CTXND2: variants seen among roughly 807,000 people sequenced by gnomAD.
The protein encoded by CTXND2 is cortexin domain containing 2.
At chr1:150,890,837 T>C (rs1426651996) in intron 1 of CTXND2, among the ~76,000 whole-genome samples, 1 of 152,132 alleles carries the variant, frequency 6.6e-6, no homozygotes, top group East Asian at 1.9e-4. Flanking sequence ...CTTTCATGCA[T>C]TGTGAGTTCT....
rs1668787484 is a variant in CTXND2 at position 150,887,318 on chromosome 1, G to A, written c.-74+5G>A. ...TTGGATATCCGCTCTCAGAAGGTAGGTAACTACCCACATTGCCTTCCTGGT... is the reference window on the plus strand; with the variant it reads ...TTGGATATCCGCTCTCAGAAGGTAGATAACTACCCACATTGCCTTCCTGGT... On this transcript the variant is annotated splice_donor_5th_base_variant and intron_variant, in intron 1 of 1. Transcript: ENST00000636087. 6.6e-6 allele frequency: 1 copy of A among 152,160 alleles called. No individual in the cohort carries two copies. Among genetic ancestry groups the A allele is most frequent in the African/African-American group, 2.4e-5 (1 of 41,438 alleles). The allele number at this position is 152,160 out of a possible 1,614,324, so 9.4% of individuals were successfully genotyped here.
At chr1:150,904,728 A>G (rs587665385) in intron 1 of CTXND2, among the ~76,000 whole-genome samples, 7 of 152,318 alleles carry the variant, frequency 4.6e-5, no homozygotes, top group Non-Finnish European at 8.8e-5. Flanking sequence ...CCCTGTATTT[A>G]AAATGGTTCC....
chr1:150,891,362 C>T (rs1235966153), intron 1 of CTXND2, among the ~76,000 whole-genome samples: 1 of 152,036 alleles, frequency 6.6e-6, no homozygotes. Context: ...TACAGGCACC[C>T]GCCACCATGC....
chr1:150,909,627 T>C (rs1357533038), intron 1 of CTXND2, among the ~76,000 whole-genome samples: 1 of 152,192 alleles, frequency 6.6e-6, no homozygotes, highest in Non-Finnish European at 1.5e-5. Flanking sequence ...TTTGCTGTCA[T>C]ATCTAAGAAT....
chr1:150,906,404 A>G (rs991948020), intron 1 of CTXND2, among the ~76,000 whole-genome samples: 1 of 152,170 alleles, frequency 6.6e-6, no homozygotes. Context: ...AAGCAAAGAT[A>G]AAAGTACTTC....
chr1:150,901,285 C>T (rs1669025099), intron 1 of CTXND2, among the ~76,000 whole-genome samples: 1 of 152,186 alleles, frequency 6.6e-6, no homozygotes, highest in Non-Finnish European at 1.5e-5. Context: ...GTTCACGGAT[C>T]AGAAGACTTA....
At chr1:150,904,700 G>C (rs1173531620) in intron 1 of CTXND2, among the ~76,000 whole-genome samples, 1 of 152,146 alleles carries the variant, frequency 6.6e-6, no homozygotes, top group Non-Finnish European at 1.5e-5. Context: ...CCTTAACTAT[G>C]CCAATCTAAT....
intron 1 of CTXND2, among the ~76,000 whole-genome samples, chr1:150,905,950 A>G (rs2102602420): frequency 6.6e-6 from 1 of 151,602 alleles, no homozygotes; most frequent in Non-Finnish European, 1.5e-5. Context: ...AGATCACACC[A>G]CTGCACTCCA....
exon 2 of CTXND2, chr1:150,912,604 AAC>A: frequency 7.6e-6 from 3 of 396,998 alleles, no homozygotes; most frequent in Non-Finnish European, 4.4e-6. Flanking sequence ...AGTGAGATGA[AAC>A]ACAAGCCAGT....
chr1:150,898,921 CA>C (rs750129735), intron 1 of CTXND2, among the ~76,000 whole-genome samples: 6 of 126,124 alleles, frequency 4.8e-5, no homozygotes, highest in South Asian at 2.8e-4. Flanking sequence ...ACTAAAAATA[CA>C]AAAAAAAAAA....
rs963689781 is a variant in CTXND2, at chr1:150,894,304, C to T, written c.-74+6991C>T. On this transcript the variant is annotated intron_variant, in intron 1 of 1. Transcript: ENST00000636087. ...AGTTACACATGACCGAAAAGCCCAACTCAAATGGGATTAAAGACTACAATG... is the reference window on the plus strand; with the variant it reads ...AGTTACACATGACCGAAAAGCCCAATTCAAATGGGATTAAAGACTACAATG... Among the ~76,000 whole-genome samples, 6 of 152,206 alleles carry T rather than the reference C, an allele frequency of 3.9e-5. No homozygotes were observed. In the East Asian group the frequency reaches 1.2e-3, roughly 29 times the overall value.
chr1:150,903,074 G>T (rs985835052), intron 1 of CTXND2, among the ~76,000 whole-genome samples: 5 of 152,046 alleles, frequency 3.3e-5, no homozygotes, highest in African/African-American at 1.2e-4. Flanking sequence ...GCTATCTATT[G>T]TTTTATTTTG....
At chr1:150,904,715 A>G (rs964004566) in intron 1 of CTXND2, among the ~76,000 whole-genome samples, 5 of 152,166 alleles carry the variant, frequency 3.3e-5, no homozygotes, top group African/African-American at 2.4e-5. Flanking sequence ...TCTAATTAGA[A>G]TTCCCTGTAT....
intron 1 of CTXND2, among the ~76,000 whole-genome samples, chr1:150,903,475 G>C (rs1048048439): frequency 4.0e-5 from 6 of 151,512 alleles, no homozygotes; most frequent in Admixed American, 4.0e-4. Flanking sequence ...ACCAGTATGA[G>C]ATGAAAAAAT....
chr1:150,898,921 CAA>C (rs750129735), intron 1 of CTXND2, among the ~76,000 whole-genome samples: 21 of 126,082 alleles, frequency 1.7e-4, no homozygotes, highest in South Asian at 2.8e-4. Context: ...ACTAAAAATA[CAA>C]AAAAAAAAAT....
intron 1 of CTXND2, among the ~76,000 whole-genome samples, chr1:150,891,298 C>T (rs899236247): frequency 6.6e-6 from 1 of 152,044 alleles, no homozygotes; most frequent in Non-Finnish European, 1.5e-5. Flanking sequence ...ACTACAACCT[C>T]CGCCTCTTGG....
At chr1:150,909,160 C>T (rs1483905516) in intron 1 of CTXND2, among the ~76,000 whole-genome samples, 1 of 150,554 alleles carries the variant, frequency 6.6e-6, no homozygotes, top group Non-Finnish European at 1.5e-5. Context: ...ATCGCTTGAA[C>T]CTGGGAGGCA....
intron 1 of CTXND2, among the ~76,000 whole-genome samples, chr1:150,900,300 A>G (rs1418846340): frequency 1.3e-5 from 2 of 151,854 alleles, no homozygotes; most frequent in South Asian, 2.1e-4. Flanking sequence ...GAGCTGTAAC[A>G]CTCACTGCGA....
rs908845930 is a variant in CTXND2 at position 150,894,806 on chromosome 1, C to T, written c.-74+7493C>T. ...ATCCCAGCATTTTGGGAGACTGAGG[C>T]GGGTGGATCACCTGAGGTCAGGAGT... is the stretch of plus-strand genomic sequence containing the variant. On this transcript the variant is annotated intron_variant, in intron 1 of 1. Transcript: ENST00000636087. Among the ~76,000 whole-genome samples, 7 of 152,188 alleles carry T rather than the reference C, an allele frequency of 4.6e-5. No homozygotes were observed. The East Asian group carries it at 7.7e-4, about 17-fold the overall frequency.
Sources: gnomAD v4.1 joint callset for allele counts (sites outside exome capture counted in the v4.1 genomes callset) on GRCh38, gnomAD v4.1.1 for gene constraint, MANE v1.5 for transcripts, NCBI Gene and HGNC (gene_info 2026-07-23, HGNC 2026-07-21) for gene names.